The following ALPK2 variants were observed in gnomAD, a reference collection of about 807,000 sequenced individuals.
The protein encoded by ALPK2 is alpha-protein kinase 2.
In ALPK2, 127 loss-of-function variants were observed where a neutral mutation model predicts 163.1. The ratio of observed to expected loss-of-function variants is 0.78; its 90% confidence interval spans 0.67 to 0.90. The LOEUF (loss-of-function observed/expected upper bound fraction) is 0.90. Ranked by LOEUF, ALPK2 falls within the 40% of genes least tolerant of loss-of-function variation. ALPK2 has a pLI of 0.00. For synonymous variants in ALPK2, 953 were observed against 959.1 expected (o/e 0.99, Z 0.12); for missense variants, 2,360 against 2,589.6 (o/e 0.91, Z 1.92).
At chr18:58,572,509 G>C (rs748603286) in intron 4 of ALPK2, among the ~76,000 whole-genome samples, 1 of 152,160 alleles carries the variant, frequency 6.6e-6, no homozygotes, top group African/African-American at 2.4e-5. Context: ...ACCAGTGAAA[G>C]ACTAAGCGAA....
chr18:58,557,399 C>T (rs554849914), intron 4 of ALPK2, among the ~76,000 whole-genome samples: 1 of 152,200 alleles, frequency 6.6e-6, no homozygotes, highest in East Asian at 1.9e-4. Context: ...CGAGAGGGAA[C>T]CCTCATGTAA....
chr18:58,603,611 TC>T (rs2052083213), intron 3 of ALPK2, among the ~76,000 whole-genome samples: 1 of 152,168 alleles, frequency 6.6e-6, no homozygotes, highest in Non-Finnish European at 1.5e-5. Context: ...AAAGGAGGCC[TC>T]CCTGCTGAGG....
rs1283170672 is a variant in ALPK2 at position 58,529,031 on chromosome 18, A to G, written c.5501+60T>C. ...AATTTATTCTTTTTTCTTTTTTACA[A>G]CCATGTTGTGAAATAAACAAGCAAC... On this transcript the variant is annotated intron_variant, in intron 6 of 12. Transcript: ENST00000361673. The G allele has an allele frequency of 2.5e-6, 4 of 1,603,896 alleles. No homozygotes were observed. In the Admixed American group the frequency reaches 6.7e-5, roughly 27 times the overall value.
At chr18:58,543,490 A>C in intron 4 of ALPK2, 1 of 685,458 alleles carries the variant, frequency 1.5e-6, no homozygotes, top group Non-Finnish European at 1.8e-6. Context: ...GAGAGAGGGC[A>C]GCAGAAAGGG....
intron 4 of ALPK2, among the ~76,000 whole-genome samples, chr18:58,555,124 G>A (rs9966111): frequency 0.059 from 8,978 of 152,268 alleles, 878 homozygotes; most frequent in African/African-American, 0.2. Context: ...ATATGGCAGG[G>A]TCTGCCTGGT....
chr18:58,503,573 T>C (rs1011360132), intron 11 of ALPK2, among the ~76,000 whole-genome samples: 6 of 152,058 alleles, frequency 3.9e-5, no homozygotes, highest in African/African-American at 1.4e-4. Flanking sequence ...GTAGAATGCA[T>C]GTGCAGTCTC....
At chr18:58,513,543 T>A (rs1267148483) in intron 10 of ALPK2, among the ~76,000 whole-genome samples, 1 of 152,198 alleles carries the variant, frequency 6.6e-6, no homozygotes, top group Admixed American at 6.5e-5. Context: ...TCCAAGTCCC[T>A]AGATCAATTA....
At chr18:58,571,098 T>G (rs2051883537) in intron 4 of ALPK2, among the ~76,000 whole-genome samples, 1 of 152,132 alleles carries the variant, frequency 6.6e-6, no homozygotes, top group Non-Finnish European at 1.5e-5. Flanking sequence ...ATCAGCTCAC[T>G]GCAACCTCCA....
intron 1 of ALPK2, among the ~76,000 whole-genome samples, chr18:58,619,573 A>G (rs149670585): frequency 1.2e-4 from 19 of 152,314 alleles, no homozygotes; most frequent in African/African-American, 4.6e-4. Context: ...TTTCTGTTAC[A>G]TTAGAATTAG....
At position 58,509,958 on chromosome 18, in the gene ALPK2, C is replaced by T. The variant is rs576800599; in HGVS notation, c.6029+5035G>A. ...GGTGTTTTAGACATGAAGTCTTTGC[C>T]CATGCCTATGTCCTGAATGGTATTG... On this transcript the variant is annotated intron_variant, in intron 10 of 12. Transcript: ENST00000361673. 5.3e-5 allele frequency among the ~76,000 whole-genome samples: 8 copies of T among 152,130 alleles called. 1 individual carries two copies. The South Asian group carries it at 1.7e-3, about 32-fold the overall frequency.
intron 3 of ALPK2, among the ~76,000 whole-genome samples, chr18:58,599,642 G>A (rs144620173): frequency 1.3e-5 from 2 of 152,266 alleles, no homozygotes; most frequent in East Asian, 1.9e-4. Flanking sequence ...GAAAAATGCT[G>A]CCTTTCTTAC....
At chr18:58,572,533 T>C (rs568179966) in intron 4 of ALPK2, among the ~76,000 whole-genome samples, 29 of 152,300 alleles carry the variant, frequency 1.9e-4, no homozygotes, top group African/African-American at 7.0e-4. Flanking sequence ...CGTGGAATAC[T>C]ACTCAGCAAT....
chr18:58,555,623 T>C (rs1015327162), intron 4 of ALPK2, among the ~76,000 whole-genome samples: 2 of 152,208 alleles, frequency 1.3e-5, no homozygotes, highest in African/African-American at 4.8e-5. Flanking sequence ...GTGTACCCTT[T>C]ATCATCTGGT....
At chr18:58,489,161 G>A in intron 12 of ALPK2, among the ~76,000 whole-genome samples, 1 of 152,106 alleles carries the variant, frequency 6.6e-6, no homozygotes, top group East Asian at 1.9e-4. Context: ...GATGGTTTGG[G>A]GTTTATCTGG....
chr18:58,537,000 C>A lies in ALPK2; in HGVS notation c.3187G>T (p.Gly1063Cys). The A allele has an allele frequency of 6.2e-7, 1 of 1,614,152 alleles. No individual in the cohort carries two copies. The highest frequency in any genetic ancestry group is 1.6e-4 in the Middle Eastern group (1 of 6,062). ...TCTTTTGTAGATTTGATGGTAGCAC[C>A]ACTTAAAATATGATCCAACTGCACT... ...SQVQLDHILS[G>C]ATIKSTKELL... is the part of the protein sequence containing the mutation. Residue 1063 changes from glycine to cysteine, a missense_variant, in exon 5 of 13, where the codon GGT becomes TGT. Coordinates refer to ENST00000361673, the MANE Select transcript of ALPK2 (RefSeq NM_052947.4).
rs1015878326 is a variant in ALPK2, at chr18:58,557,774, T to C, written c.1963-19550A>G. Among the ~76,000 whole-genome samples the C allele has an allele frequency of 2.0e-5, 3 of 151,674 alleles. No homozygotes were observed. In the South Asian group the frequency reaches 6.3e-4, roughly 32 times the overall value. On this transcript the variant is annotated intron_variant, in intron 4 of 12. Coordinates refer to ENST00000361673, the MANE Select transcript of ALPK2 (RefSeq NM_052947.4). The stretch of plus-strand genomic sequence containing the variant: ...TGTAAAAGAGGAAAGAAAACCAACA[T>C]TGAGGCCCAGGGCAATAGCTTTTAA...
intron 4 of ALPK2, among the ~76,000 whole-genome samples, chr18:58,568,295 C>G (rs2051867013): frequency 6.6e-6 from 1 of 152,182 alleles, no homozygotes; most frequent in African/African-American, 2.4e-5. Flanking sequence ...ATTGAATAAC[C>G]TGATGCTGTG....
At chr18:58,558,697 G>T (rs1047147054) in intron 4 of ALPK2, among the ~76,000 whole-genome samples, 2 of 152,182 alleles carry the variant, frequency 1.3e-5, no homozygotes, top group African/African-American at 2.4e-5. Flanking sequence ...ACTGATACAT[G>T]ACTAAAACCA....
intron 3 of ALPK2, among the ~76,000 whole-genome samples, chr18:58,584,039 C>T (rs1330496929): frequency 6.6e-6 from 1 of 152,160 alleles, no homozygotes; most frequent in Non-Finnish European, 1.5e-5. Context: ...TTTAGAAAAA[C>T]ATGGAGAAAA....
Sources: gnomAD v4.1 joint callset for allele counts (sites outside exome capture counted in the v4.1 genomes callset) on GRCh38, gnomAD v4.1.1 for gene constraint, MANE v1.5 for transcripts, NCBI Gene and HGNC (gene_info 2026-07-23, HGNC 2026-07-21) for gene names.